The following B4GALNT3 variants were observed in gnomAD, a reference collection of about 807,000 sequenced individuals.
B4GALNT3 encodes beta-1,4-N-acetyl-galactosaminyltransferase 3.
B4GALNT3 carries 86 observed loss-of-function variants against 120.2 expected under a neutral mutation model. That is an observed-to-expected ratio of 0.72 (90% confidence interval 0.60 to 0.86). B4GALNT3 has a LOEUF of 0.86. Among genes scored for constraint, B4GALNT3 ranks in the 40% least tolerant of loss-of-function variants. The probability of loss-of-function intolerance (pLI) is 0.00; values close to 1 mark genes in which losing one functional copy is unlikely to be tolerated. For missense variants in B4GALNT3, 1,167 were observed against 1,298.9 expected, an observed-to-expected ratio of 0.90 and a Z score of 1.56; for synonymous variants, 518 against 510.4, an observed-to-expected ratio of 1.01 and a Z score of -0.20.
At chr12:469,943 C>T (rs1035431206) in intron 1 of B4GALNT3, among the ~76,000 whole-genome samples, 3 of 152,168 alleles carry the variant, frequency 2.0e-5, no homozygotes, top group Non-Finnish European at 2.9e-5. Flanking sequence ...TGAGCCACCG[C>T]GCATGGCCAG....
chr12:545,072 C>T (rs1946975514), intron 5 of B4GALNT3, 100 bp downstream of exon 5: 1 of 1,486,060 alleles, frequency 6.7e-7, no homozygotes. Context: ...GGACTAACTT[C>T]CTGTTAGTCC....
chr12:513,154 C>G (rs866863289), intron 1 of B4GALNT3, among the ~76,000 whole-genome samples: 1 of 124,280 alleles, frequency 8.0e-6, no homozygotes, highest in African/African-American at 3.0e-5. Flanking sequence ...TTCGACCTTC[C>G]ACCTTCCACC....
chr12:468,712 A>T (rs1337966487), intron 1 of B4GALNT3, among the ~76,000 whole-genome samples: 2 of 152,236 alleles, frequency 1.3e-5, no homozygotes, highest in South Asian at 2.1e-4. Flanking sequence ...ATAAAGTCAC[A>T]AACTAATTTA....
chr12:557,775 C>T lies in B4GALNT3; in HGVS notation c.2534+14C>T. 1 of 1,596,140 alleles carries T rather than the reference C, an allele frequency of 6.3e-7. No homozygotes were observed. The highest frequency in any genetic ancestry group is 8.5e-7 in the Non-Finnish European group (1 of 1,174,226). On this transcript the variant is annotated intron_variant, in intron 16 of 19. Transcript: ENST00000266383. ...CAAGCTGCGGAGGTGAGGGGGACCA[C>T]CAGCCAGGGGGTGGCATGGGCCACG...
At chr12:544,083 C>T (rs1448861663) in intron 3 of B4GALNT3, among the ~76,000 whole-genome samples, 1 of 115,576 alleles carries the variant, frequency 8.7e-6, no homozygotes, top group Non-Finnish European at 1.8e-5. Flanking sequence ...CTGGGGCGGG[C>T]ATGGGGTGCT....
intron 1 of B4GALNT3, among the ~76,000 whole-genome samples, chr12:533,797 A>G (rs1477969420): frequency 6.6e-6 from 1 of 152,240 alleles, no homozygotes; most frequent in African/African-American, 2.4e-5. Flanking sequence ...TAATCATGTA[A>G]GAAAAGCACT....
At chr12:540,125 G>A (rs554814730) in intron 3 of B4GALNT3, among the ~76,000 whole-genome samples, 15 of 152,344 alleles carry the variant, frequency 9.8e-5, no homozygotes, top group Non-Finnish European at 1.5e-5. Context: ...AGCGGAAGCA[G>A]AGGGCCAGTC....
intron 13 of B4GALNT3, chr12:552,804 T>A: frequency 1.9e-6 from 1 of 526,584 alleles, no homozygotes; most frequent in Non-Finnish European, 3.4e-6. Flanking sequence ...CTGGAGGGGC[T>A]TGCTGTCCCT....
intron 1 of B4GALNT3, among the ~76,000 whole-genome samples, chr12:481,442 A>G (rs1320869071): frequency 6.6e-6 from 1 of 152,232 alleles, no homozygotes; most frequent in Non-Finnish European, 1.5e-5. Context: ...TCAGGAGTCC[A>G]GCTGCCCACA....
chr12:508,307 A>G (rs1190940842), intron 1 of B4GALNT3, among the ~76,000 whole-genome samples: 2 of 152,146 alleles, frequency 1.3e-5, no homozygotes. Flanking sequence ...GTCTTGCTCC[A>G]TCACCCAGGC....
chr12:511,645 T>TCCTTCCACCTTCCAC (rs1172987052), intron 1 of B4GALNT3, among the ~76,000 whole-genome samples: 1 of 18,572 alleles, frequency 5.4e-5, no homozygotes, highest in African/African-American at 1.5e-4. Flanking sequence ...CCTTCCACCT[T>TCCTTCCACCTTCCAC]CTTCCACCTT....
At chr12:527,207 C>T (rs1027121060) in intron 1 of B4GALNT3, among the ~76,000 whole-genome samples, 13 of 152,176 alleles carry the variant, frequency 8.5e-5, no homozygotes, top group African/African-American at 3.1e-4. Context: ...GGATTACAGG[C>T]GTGAGCCACC....
chr12:554,627 A>G (rs1181580223), intron 14 of B4GALNT3, among the ~76,000 whole-genome samples: 2 of 151,378 alleles, frequency 1.3e-5, no homozygotes, highest in Non-Finnish European at 2.9e-5. Context: ...CGTCTCTACT[A>G]AAAATACAAA....
chr12:536,835 C>T (rs1389462715), intron 3 of B4GALNT3, among the ~76,000 whole-genome samples: 1 of 152,190 alleles, frequency 6.6e-6, no homozygotes, highest in Non-Finnish European at 1.5e-5. Flanking sequence ...AAACAAGGCT[C>T]AGGAAAGCTA....
At chr12:490,363 G>GA (rs531748709) in intron 1 of B4GALNT3, among the ~76,000 whole-genome samples, 223 of 149,690 alleles carry the variant, frequency 1.5e-3, no homozygotes, top group Admixed American at 1.5e-3. Context: ...TGCTAACTAA[G>GA]AAAAAAAAAC....
chr12:468,344 G>T (rs1040198333), intron 1 of B4GALNT3, among the ~76,000 whole-genome samples: 4 of 152,122 alleles, frequency 2.6e-5, no homozygotes, highest in African/African-American at 9.7e-5. Flanking sequence ...AAAAAGTATT[G>T]CCCTGACCTT....
intron 1 of B4GALNT3, among the ~76,000 whole-genome samples, chr12:524,423 A>G (rs952211193): frequency 1.3e-5 from 2 of 152,144 alleles, no homozygotes; most frequent in Non-Finnish European, 2.9e-5. Flanking sequence ...GCTTAATAAG[A>G]TCCTTAAAAG....
chr12:479,036 G>A (rs995087032), intron 1 of B4GALNT3, among the ~76,000 whole-genome samples: 5 of 152,204 alleles, frequency 3.3e-5, no homozygotes, highest in Admixed American at 6.5e-5. Flanking sequence ...AAGGCAAGAG[G>A]AAGCTGGCAC....
intron 19 of B4GALNT3, among the ~76,000 whole-genome samples, chr12:560,109 A>G (rs1306454057): frequency 6.6e-6 from 1 of 152,130 alleles, no homozygotes; most frequent in East Asian, 1.9e-4. Flanking sequence ...TCTTTCAAGA[A>G]ATGTGCTGCC....
Sources: allele counts gnomAD v4.1 joint callset (sites outside exome capture counted in the v4.1 genomes callset), GRCh38; gene constraint gnomAD v4.1.1; transcripts MANE v1.5; gene names NCBI Gene and HGNC (gene_info 2026-07-23, HGNC 2026-07-21).